The following ATP8B1 variants were observed in gnomAD, a reference collection of about 807,000 sequenced individuals.
ATP8B1 encodes the protein ATPase phospholipid transporting 8B1.
ATP8B1 carries 80 observed loss-of-function variants against 149.9 expected under a neutral mutation model. That is an observed-to-expected ratio of 0.53 (90% confidence interval 0.45 to 0.64). ATP8B1 has a LOEUF of 0.64. ATP8B1 is among the 30% of genes least tolerant of loss of function. The pLI is 0.00. For synonymous variants in ATP8B1, 536 were observed against 562.8 expected, an observed-to-expected ratio of 0.95 and a Z score of 0.67; for missense variants, 1,247 against 1,552.6, an observed-to-expected ratio of 0.80 and a Z score of 3.31.
chr18:57,669,055 A>C, intron 18 of ATP8B1: 1 of 282,844 alleles, frequency 3.5e-6, no homozygotes, highest in Non-Finnish European at 6.4e-6. Context: ...AATTATAATA[A>C]ATTTTAATAA....
At chr18:57,686,843 T>C (rs1282186078) in intron 13 of ATP8B1, among the ~76,000 whole-genome samples, 1 of 152,060 alleles carries the variant, frequency 6.6e-6, no homozygotes, top group Non-Finnish European at 1.5e-5. Flanking sequence ...AGTCAACCAA[T>C]TTTTGTTGTT....
At position 57,646,778 on chromosome 18, in the gene ATP8B1, T is replaced by C. The variant is rs1909204690; in HGVS notation, c.*1710A>G. On this transcript the variant is annotated 3_prime_UTR_variant, in exon 28 of 28. Transcript: ENST00000648908. The stretch of plus-strand genomic sequence containing the variant: ...TAAAAAGCCATACATTCTTTTATCA[T>C]ACCTAGAAAATGAACATATACACAT... 6.6e-6 allele frequency: 1 copy of C among 152,660 alleles called. No individual in the cohort carries two copies. The highest frequency in any genetic ancestry group is 2.4e-5 in the African/African-American group (1 of 41,468). The allele number at this position is 152,660 out of a possible 1,614,324, so 9.5% of individuals were successfully genotyped here.
chr18:57,722,159 T>C lies in ATP8B1; in HGVS notation c.181+9468A>G, dbSNP rs1329033132. ...AAGAGAAAGCAGGAAAGATCCAAAA[T>C]TGACACCCTAACATCACAATTAAAA... On this transcript the variant is annotated intron_variant, in intron 2 of 27. Coordinates refer to ENST00000648908, the MANE Select transcript of ATP8B1 (RefSeq NM_001374385.1). Among the ~76,000 whole-genome samples, 78 of 150,406 alleles carry C rather than the reference T, an allele frequency of 5.2e-4. No individual in the cohort carries two copies. In the South Asian group the frequency reaches 8.9e-3, roughly 17 times the overall value.
At chr18:57,696,111 A>C (rs319441) in intron 8 of ATP8B1, among the ~76,000 whole-genome samples, 151,455 of 152,312 alleles carry the variant, frequency 0.99, 75,315 homozygotes, top group Middle Eastern at 1. Flanking sequence ...TCACGACTGA[A>C]GGCTTTATAT....
chr18:57,684,939 G>T, intron 14 of ATP8B1, 133 bp downstream of exon 14: 3 of 1,135,938 alleles, frequency 2.6e-6, no homozygotes, highest in Non-Finnish European at 4.0e-6. Flanking sequence ...GAACACCAAG[G>T]ACTGTGGGCA....
Position 57,652,616 on chromosome 18 carries a change from T to G in ATP8B1, c.3129A>C (p.Thr1043=). The G allele has an allele frequency of 6.2e-7, 1 of 1,614,194 alleles. No individual in the cohort carries two copies. The highest frequency in any genetic ancestry group is 8.5e-7 in the Non-Finnish European group (1 of 1,180,032). ...FFVSLLHGVL[T]SMILFFIPLG... ...GAGGTATGAAGAAGAGGATCATCGA[T>G]GTTAGGACCCCATGCAACAAGCTTA... Residue 1043 remains threonine, a synonymous_variant, in exon 25 of 28, where the codon ACA becomes ACC. Transcript: ENST00000648908.
At chr18:57,774,831 CTTAT>C (rs746954653) in intron 1 of ATP8B1, among the ~76,000 whole-genome samples, 6 of 152,148 alleles carry the variant, frequency 3.9e-5, no homozygotes, top group African/African-American at 1.2e-4. Context: ...GCCCTTCATG[CTTAT>C]TTATTTTTCC....
intron 4 of ATP8B1, among the ~76,000 whole-genome samples, chr18:57,703,926 C>A (rs1296915639): frequency 1.3e-5 from 2 of 151,972 alleles, no homozygotes; most frequent in Non-Finnish European, 2.9e-5. Context: ...CACAAAATAG[C>A]TTTAATTTTA....
rs1452732004 is a variant in ATP8B1 at position 57,648,702 on chromosome 18, T to C, written c.3542A>G (p.His1181Arg). ...WPSESDKIQK[H>R]RKRLKAEEQW... ...CTCCTCCGCCTTCAACCGCTTGCGA[T>C]GCTTCTGGATCTGCAAGGGGGAGAG... Residue 1181 changes from histidine to arginine, a missense_variant, in exon 28 of 28, where the codon CAT (histidine) becomes CGT (arginine). Transcript: ENST00000648908. 3 of 1,554,140 alleles carry C rather than the reference T, an allele frequency of 1.9e-6. No homozygotes were observed. The highest frequency in any genetic ancestry group is 2.6e-6 in the Non-Finnish European group (3 of 1,149,410).
chr18:57,768,748 T>C (rs535745117), intron 1 of ATP8B1, among the ~76,000 whole-genome samples: 1 of 152,294 alleles, frequency 6.6e-6, no homozygotes, highest in African/African-American at 2.4e-5. Context: ...CAAATCCCTA[T>C]GCCAAGGATA....
chr18:57,679,104 G>C (rs1256187611), intron 15 of ATP8B1, among the ~76,000 whole-genome samples: 28 of 147,008 alleles, frequency 1.9e-4, no homozygotes, highest in African/African-American at 6.5e-4. Flanking sequence ...GGTGGCGGGT[G>C]CCTGTAGTCC....
intron 25 of ATP8B1, 142 bp downstream of exon 25, chr18:57,652,342 G>T: frequency 1.4e-6 from 2 of 1,452,918 alleles, no homozygotes; most frequent in Non-Finnish European, 1.9e-6. Context: ...AAATGTGCTT[G>T]GTATAAGAGA....
At chr18:57,706,407 G>T in intron 3 of ATP8B1, 83 bp downstream of exon 3, 4 of 1,080,390 alleles carry the variant, frequency 3.7e-6, no homozygotes, top group Non-Finnish European at 5.6e-6. Flanking sequence ...TGGAAGGCAG[G>T]TGTAGCATGA....
Position 57,662,577 on chromosome 18 carries a change from C to T in ATP8B1, c.2324G>A (p.Arg775Lys). 1 of 1,614,144 alleles carries T rather than the reference C, an allele frequency of 6.2e-7. No homozygotes were observed. Among genetic ancestry groups the T allele is most frequent in the South Asian group, 1.1e-5 (1 of 91,076 alleles). ...TGCAAACTTTGCGTAGACGCCACCT[C>T]TATTCCTCTGGTTTTCCATCCTTGC... ...LHARMENQRN[R>K]GGVYAKFAPP... Residue 775 changes from arginine (R) to lysine (K), a missense_variant, in exon 21 of 28, where the codon AGA (arginine) becomes AAA (lysine). Transcript: ENST00000648908.
intron 25 of ATP8B1, 52 bp from the exon 26 acceptor site, chr18:57,652,224 A>G (rs1351975645): frequency 3.7e-6 from 6 of 1,606,052 alleles, no homozygotes; most frequent in Non-Finnish European, 5.1e-6. Flanking sequence ...AGTTAGCAAG[A>G]AATAAAGGAT....
At position 57,655,418 on chromosome 18, in the gene ATP8B1, C is replaced by G; in HGVS notation, c.2708-1G>C. On this transcript the variant is annotated splice_acceptor_variant, in intron 22 of 27. Coordinates refer to ENST00000648908, the MANE Select transcript of ATP8B1 (RefSeq NM_001374385.1). LOFTEE classifies it high-confidence loss of function. ...CTTATTCCAACGCCAATGTGGGCAG[C>G]TATGGGGCAGAGGGAGAAAACACTG... The G allele has an allele frequency of 6.2e-7, 1 of 1,613,522 alleles. No homozygotes were observed. The highest frequency in any genetic ancestry group is 8.5e-7 in the Non-Finnish European group (1 of 1,179,444).
At chr18:57,787,761 AG>A (rs1387927838) in intron 1 of ATP8B1, among the ~76,000 whole-genome samples, 1 of 152,220 alleles carries the variant, frequency 6.6e-6, no homozygotes, top group Non-Finnish European at 1.5e-5. Context: ...TTTGAATGTC[AG>A]TAGTTTTTCT....
intron 6 of ATP8B1, 144 bp downstream of exon 6, chr18:57,700,895 C>T (rs372402777): frequency 2.3e-4 from 210 of 913,236 alleles, no homozygotes; most frequent in African/African-American, 1.8e-3. Flanking sequence ...CCAGCCTGGG[C>T]GACAGAGCGA....
chr18:57,690,061 A>T (rs1427434599), intron 12 of ATP8B1, among the ~76,000 whole-genome samples: 2 of 152,182 alleles, frequency 1.3e-5, no homozygotes, highest in African/African-American at 4.8e-5. Flanking sequence ...AAATCAAAGC[A>T]AAGCAAGGTA....
Sources: gnomAD v4.1 joint callset for allele counts (sites outside exome capture counted in the v4.1 genomes callset) on GRCh38, gnomAD v4.1.1 for gene constraint, MANE v1.5 for transcripts, NCBI Gene and HGNC (gene_info 2026-07-23, HGNC 2026-07-21) for gene names.